FILIP1L: variants seen among roughly 807,000 people sequenced by gnomAD.
The protein encoded by FILIP1L is filamin A interacting protein 1 like.
In FILIP1L, 55 loss-of-function variants were observed where a neutral mutation model predicts 96.6. That is an observed-to-expected ratio of 0.57 (90% CI 0.46 to 0.71). The LOEUF (loss-of-function observed/expected upper bound fraction) is 0.71. Among genes scored for constraint, FILIP1L ranks in the 30% least tolerant of loss-of-function variants. FILIP1L has a pLI of 0.00. For missense variants in FILIP1L, 1,304 were observed against 1,321.2 expected, an observed-to-expected ratio of 0.99 and a Z score of 0.20; for synonymous variants, 467 against 473.9, an observed-to-expected ratio of 0.99 and a Z score of 0.19.
At chr3:100,019,566 C>A (rs2064768855) in intron 1 of FILIP1L, among the ~76,000 whole-genome samples, 1 of 152,008 alleles carries the variant, frequency 6.6e-6, no homozygotes, top group African/African-American at 2.4e-5. Flanking sequence ...TAAAATTGTT[C>A]TATTTTAATG....
intron 5 of FILIP1L, among the ~76,000 whole-genome samples, chr3:99,841,596 T>A (rs887677082): frequency 6.6e-6 from 1 of 152,164 alleles, no homozygotes; most frequent in African/African-American, 2.4e-5. Flanking sequence ...TATTTGTATA[T>A]TGTAGTTGTC....
chr3:99,910,802 G>T, intron 4 of FILIP1L, among the ~76,000 whole-genome samples: 1 of 152,006 alleles, frequency 6.6e-6, no homozygotes, highest in Admixed American at 6.6e-5. Context: ...TTTTATAGAT[G>T]GAAGCATCAA....
intron 1 of FILIP1L, among the ~76,000 whole-genome samples, chr3:100,104,539 G>T (rs1446389246): frequency 6.6e-6 from 1 of 152,192 alleles, no homozygotes; most frequent in South Asian, 2.1e-4. Context: ...ACATAGGCCT[G>T]TGTTCCCAAG....
At chr3:100,111,915 A>G (rs904387535) in intron 1 of FILIP1L, among the ~76,000 whole-genome samples, 12 of 152,192 alleles carry the variant, frequency 7.9e-5, no homozygotes, top group Non-Finnish European at 1.3e-4. Flanking sequence ...AACATGCACA[A>G]TACACAGATT....
At chr3:99,848,270 G>A (rs374214004) in intron 5 of FILIP1L, 25 bp downstream of exon 5, 170 of 1,612,004 alleles carry the variant, frequency 1.1e-4, no homozygotes, top group Non-Finnish European at 1.3e-4. Flanking sequence ...GAGGGTGAGC[G>A]TGGTCAGTTA....
At chr3:99,953,154 TTAAA>T (rs1346623220) in intron 1 of FILIP1L, among the ~76,000 whole-genome samples, 4 of 152,332 alleles carry the variant, frequency 2.6e-5, no homozygotes, top group Admixed American at 1.3e-4. Context: ...ATATGAAGTA[TTAAA>T]TAATATTATC....
At chr3:99,832,476 C>T (rs1942708416) in intron 5 of FILIP1L, among the ~76,000 whole-genome samples, 2 of 148,010 alleles carry the variant, frequency 1.4e-5, no homozygotes, top group Admixed American at 6.7e-5. Context: ...ATGATCCGCC[C>T]GCCTTGGCCT....
At chr3:99,918,980 G>A (rs1707041054) in intron 4 of FILIP1L, among the ~76,000 whole-genome samples, 1 of 152,178 alleles carries the variant, frequency 6.6e-6, no homozygotes, top group Non-Finnish European at 1.5e-5. Flanking sequence ...TTGCATTTGA[G>A]TACAATGTAT....
intron 1 of FILIP1L, among the ~76,000 whole-genome samples, chr3:99,987,919 T>A (rs1709392889): frequency 6.6e-6 from 1 of 152,230 alleles, no homozygotes; most frequent in South Asian, 2.1e-4. Context: ...TCTCTCATCC[T>A]GTTGGATTCT....
intron 4 of FILIP1L, among the ~76,000 whole-genome samples, chr3:99,887,196 G>A (rs1407835181): frequency 2.0e-5 from 3 of 152,166 alleles, no homozygotes; most frequent in East Asian, 3.9e-4. Context: ...GAACCCAGGA[G>A]GAGGAGGTCG....
At chr3:100,042,568 A>T (rs1472316238) in intron 1 of FILIP1L, among the ~76,000 whole-genome samples, 3 of 152,356 alleles carry the variant, frequency 2.0e-5, no homozygotes, top group South Asian at 2.1e-4. Flanking sequence ...GGAAATTGGT[A>T]ATCCATGTAT....
intron 1 of FILIP1L, among the ~76,000 whole-genome samples, chr3:99,998,402 A>G (rs1055442777): frequency 1.3e-5 from 2 of 152,196 alleles, no homozygotes; most frequent in Non-Finnish European, 2.9e-5. Context: ...TTGTATACCA[A>G]CACATTCTTT....
intron 1 of FILIP1L, among the ~76,000 whole-genome samples, chr3:100,091,384 T>C (rs1422126644): frequency 6.6e-6 from 1 of 152,214 alleles, no homozygotes. Context: ...AACAAAATGT[T>C]TTAATAAATG....
In FILIP1L at chr3:99,987,896, A is replaced by G. The variant is rs139706914; in HGVS notation, c.-10-56866T>C. ...AAACAATAATGCACATAGTTCTAGAACAGAGCTGCCAGTCTCTCATCCTGT... is the reference window on the plus strand; with the variant it reads ...AAACAATAATGCACATAGTTCTAGAGCAGAGCTGCCAGTCTCTCATCCTGT... On this transcript the variant is annotated intron_variant, in intron 1 of 5. Transcript: ENST00000477258. 7.2e-3 allele frequency among the ~76,000 whole-genome samples: 1,096 copies of G among 152,306 alleles called. 4 individuals are homozygous for G. Among genetic ancestry groups the G allele is most frequent in the African/African-American group, 1.0e-2 (415 of 41,574 alleles).
chr3:99,923,022 T>C (rs1424297890), intron 4 of FILIP1L, among the ~76,000 whole-genome samples: 6 of 152,198 alleles, frequency 3.9e-5, no homozygotes, highest in African/African-American at 1.4e-4. Flanking sequence ...GACTGTTCAC[T>C]CTCTTTTTAA....
intron 1 of FILIP1L, among the ~76,000 whole-genome samples, chr3:100,108,796 C>T (rs1161036472): frequency 1.3e-5 from 2 of 152,148 alleles, no homozygotes; most frequent in Non-Finnish European, 2.9e-5. Flanking sequence ...TGGTACACCT[C>T]ATGCTCAGCA....
chr3:100,027,494 C>G (rs2064947071), intron 1 of FILIP1L, among the ~76,000 whole-genome samples: 1 of 152,132 alleles, frequency 6.6e-6, no homozygotes, highest in South Asian at 2.1e-4. Context: ...AGCTTGGGAA[C>G]AGACTTTATG....
intron 4 of FILIP1L, among the ~76,000 whole-genome samples, chr3:99,869,433 AATAAT>A (rs1157467811): frequency 6.6e-6 from 1 of 152,230 alleles, no homozygotes; most frequent in Non-Finnish European, 1.5e-5. Context: ...TATTTATTTT[AATAAT>A]ATGAGTGTTT....
intron 1 of FILIP1L, chr3:99,964,183 A>G (rs1326017676): frequency 3.9e-5 from 6 of 152,386 alleles, no homozygotes; most frequent in Admixed American, 3.3e-4. Context: ...TGATAATTCT[A>G]TCTTCCAAAT....
Sources: allele counts gnomAD v4.1 joint callset (sites outside exome capture counted in the v4.1 genomes callset), GRCh38; gene constraint gnomAD v4.1.1; transcripts MANE v1.5; gene names NCBI Gene and HGNC (gene_info 2026-07-23, HGNC 2026-07-21).